ARMC3: variants seen among roughly 807,000 people sequenced by gnomAD.
The protein encoded by ARMC3 is armadillo repeat containing 3, also known as armadillo repeat-containing protein 3.
ARMC3 carries 74 observed loss-of-function variants against 90.3 expected under a neutral mutation model. That is an observed-to-expected ratio of 0.82 (90% CI 0.68 to 0.99). ARMC3 has a LOEUF of 0.99. Ranked by LOEUF, ARMC3 falls within the 50% of genes least tolerant of loss-of-function variation. The pLI is 0.00. For missense variants in ARMC3, 958 were observed against 1,042.8 expected (o/e 0.92, Z 1.12); for synonymous variants, 334 against 361.8 (o/e 0.92, Z 0.87).
chr10:22,945,941 C>T (rs1834509154), intron 2 of ARMC3, among the ~76,000 whole-genome samples: 1 of 152,208 alleles, frequency 6.6e-6, no homozygotes, highest in Admixed American at 6.5e-5. Flanking sequence ...CTCTTCCCAC[C>T]ATACCCCAGG....
intron 6 of ARMC3, chr10:22,960,950 A>C (rs1036169495): frequency 1.3e-5 from 2 of 152,224 alleles, no homozygotes; most frequent in Non-Finnish European, 2.9e-5. Context: ...CACTAATTGC[A>C]CAAGGACACC....
At chr10:22,933,143 A>C (rs1468872981) in intron 2 of ARMC3, among the ~76,000 whole-genome samples, 1 of 152,112 alleles carries the variant, frequency 6.6e-6, no homozygotes. Context: ...AAATCTACAG[A>C]AGTGCCTGTC....
intron 16 of ARMC3, among the ~76,000 whole-genome samples, chr10:23,023,994 AAAG>A (rs1376087038): frequency 2.0e-5 from 3 of 152,216 alleles, no homozygotes; most frequent in African/African-American, 7.2e-5. Flanking sequence ...CCTTTTGATT[AAAG>A]AAGAGGAGAA....
chr10:23,007,736 G>T (rs1044499502), intron 14 of ARMC3, among the ~76,000 whole-genome samples: 1 of 149,596 alleles, frequency 6.7e-6, no homozygotes. Context: ...GCGAGAGATC[G>T]TGTATATCTA....
chr10:23,010,732 CT>C lies in ARMC3; in HGVS notation c.2045+1804del, dbSNP rs1234377161. Among the ~76,000 whole-genome samples, 23 of 105,692 alleles carry C rather than the reference CT, an allele frequency of 2.2e-4. 1 individual carries two copies. The highest frequency in any genetic ancestry group is 8.7e-4 in the African/African-American group (23 of 26,382). The allele number at this position is 105,692 out of a possible 152,430, so 69.3% of individuals were successfully genotyped here. On this transcript the variant is annotated intron_variant, in intron 16 of 18. Transcript: ENST00000298032. The stretch of plus-strand genomic sequence containing the variant: ...CTTCCTTTCCCTCCCCTTTCCTTCC[CT>C]TTCCCTCCCCCTCCCCACTCCTTCT...
chr10:22,959,975 T>C (rs530795567), intron 6 of ARMC3: 2 of 371,960 alleles, frequency 5.4e-6, no homozygotes, highest in East Asian at 1.6e-4. Flanking sequence ...TTAGGCTTAT[T>C]TGTTGCTAAA....
chr10:23,013,983 A>C (rs1342328525), intron 16 of ARMC3: 1 of 1,180,318 alleles, frequency 8.5e-7, no homozygotes, highest in Non-Finnish European at 1.2e-6. Flanking sequence ...TGTTGAAAGG[A>C]ACAGATGTTT....
chr10:22,944,591 C>T (rs1482816497), intron 2 of ARMC3, among the ~76,000 whole-genome samples: 3 of 152,150 alleles, frequency 2.0e-5, no homozygotes, highest in Non-Finnish European at 4.4e-5. Context: ...AGAGATCATA[C>T]TCCAGCTTCC....
chr10:23,020,883 A>G (rs1397609714), intron 16 of ARMC3, among the ~76,000 whole-genome samples: 2 of 152,186 alleles, frequency 1.3e-5, no homozygotes. Flanking sequence ...GAGATTTAGT[A>G]TATGAATGAT....
intron 2 of ARMC3, among the ~76,000 whole-genome samples, chr10:22,941,507 A>G (rs948628761): frequency 6.6e-6 from 1 of 152,200 alleles, no homozygotes. Flanking sequence ...ATTCTGTGAG[A>G]ATAGGAGATT....
At position 22,932,043 on chromosome 10, in the gene ARMC3, T is replaced by A. The variant is rs1833952464; in HGVS notation, c.47T>A (p.Val16Glu). Reference sequence around the variant, plus strand: ...GAAGTAGAGCCTCCTCCTAAGGATGTGGTAAGTTTCTGATTTGAATACTAG... The same window carrying A: ...GAAGTAGAGCCTCCTCCTAAGGATGAGGTAAGTTTCTGATTTGAATACTAG... ...KKEVEPPPKD[V>E]FDPLMIESKK... The change falls in exon 2 of 19, where the codon GTG (valine) becomes GAG (glutamate). Residue 16 changes from valine to glutamate, a missense_variant and splice_region_variant. Coordinates refer to ENST00000298032, the MANE Select transcript of ARMC3 (RefSeq NM_173081.5). 1 of 1,597,834 alleles carries A rather than the reference T, an allele frequency of 6.3e-7. No individual in the cohort carries two copies. Among genetic ancestry groups the A allele is most frequent in the Admixed American group, 1.8e-5 (1 of 54,864 alleles).
At chr10:22,930,111 T>C (rs905023850) in intron 1 of ARMC3, among the ~76,000 whole-genome samples, 4 of 152,342 alleles carry the variant, frequency 2.6e-5, no homozygotes, top group African/African-American at 9.6e-5. Flanking sequence ...TGGAATTGGT[T>C]ATAGAGTGCT....
Position 22,939,226 on chromosome 10 carries a change from G to A in ARMC3, c.49-6918G>A, listed in dbSNP as rs531605607. On this transcript the variant is annotated intron_variant, in intron 2 of 18. Transcript: ENST00000298032. ...GAAATCAGAGTTCAAGGAGGATTAG[G>A]TGGCTGCAGTTTGCAGGGTAGAGTA... Among the ~76,000 whole-genome samples, 4 of 152,302 alleles carry A rather than the reference G, an allele frequency of 2.6e-5. No homozygotes were observed. In the East Asian group the frequency reaches 7.7e-4, roughly 29 times the overall value.
rs201134940 is a variant in ARMC3, at chr10:22,961,896, C to G, written c.550C>G (p.Arg184Gly). ...IYNLVQDFQC[R>G]AKLQELNAIP... ...TATTTTGTGGCAGGATTTTCAGTGT[C>G]GAGCTAAACTTCAAGAACTAAATGC... Residue 184 changes from arginine (R) to glycine (G), a missense_variant, in exon 7 of 19, where the codon CGA (arginine) becomes GGA (glycine). Coordinates refer to ENST00000298032, the MANE Select transcript of ARMC3 (RefSeq NM_173081.5). The G allele has an allele frequency of 6.2e-7, 1 of 1,602,024 alleles. No homozygotes were observed. The highest frequency in any genetic ancestry group is 1.3e-5 in the African/African-American group (1 of 74,384).
chr10:22,989,659 C>T lies in ARMC3; in HGVS notation c.1175+7959C>T, dbSNP rs182561573. ...AATGTATTTAACATGTTAATTAATG[C>T]CTTAAAAGTCCTCTGGAATTAATAG... On this transcript the variant is annotated intron_variant, in intron 10 of 18. Coordinates refer to ENST00000298032, the MANE Select transcript of ARMC3 (RefSeq NM_173081.5). Among the ~76,000 whole-genome samples, 190 of 152,130 alleles carry T rather than the reference C, an allele frequency of 1.2e-3. 1 individual carries two copies. The highest frequency in any genetic ancestry group is 8.7e-3 in the Admixed American group (133 of 15,284).
chr10:22,980,109 C>A (rs150298823), intron 8 of ARMC3, among the ~76,000 whole-genome samples: 4 of 151,980 alleles, frequency 2.6e-5, no homozygotes, highest in East Asian at 3.9e-4. Context: ...GAAAATATTT[C>A]TGAAAAAAAC....
Position 22,932,026 on chromosome 10 carries a change from G to A in ARMC3, c.30G>A (p.Glu10=), listed in dbSNP as rs750332562. The A allele has an allele frequency of 5.6e-6, 9 of 1,603,958 alleles. No individual in the cohort carries two copies. The highest frequency in any genetic ancestry group is 6.8e-6 in the Non-Finnish European group (8 of 1,176,972). The part of the protein sequence containing the change: MGKKIKKEV[E]PPPKDVFDPL... ...GTAAAAAGATAAAGAAGGAAGTAGAGCCTCCTCCTAAGGATGTGGTAAGTT... is the reference window on the plus strand; with the variant it reads ...GTAAAAAGATAAAGAAGGAAGTAGAACCTCCTCCTAAGGATGTGGTAAGTT... Residue 10 remains glutamate, a synonymous_variant, in exon 2 of 19, where the codon GAG becomes GAA. Transcript: ENST00000298032.
At chr10:22,985,911 T>C (rs1191662223) in intron 10 of ARMC3, among the ~76,000 whole-genome samples, 2 of 152,162 alleles carry the variant, frequency 1.3e-5, no homozygotes, top group Admixed American at 6.5e-5. Context: ...CCCGTTTACA[T>C]CTCTGTTACA....
At chr10:22,953,089 A>G (rs1412294635) in intron 3 of ARMC3, among the ~76,000 whole-genome samples, 1 of 152,208 alleles carries the variant, frequency 6.6e-6, no homozygotes, top group African/African-American at 2.4e-5. Context: ...AAAGGCCCTT[A>G]TTGGTGAAAA....
Sources: allele counts gnomAD v4.1 joint callset (sites outside exome capture counted in the v4.1 genomes callset), GRCh38; gene constraint gnomAD v4.1.1; transcripts MANE v1.5; gene names NCBI Gene and HGNC (gene_info 2026-07-23, HGNC 2026-07-21).